The following CREB5 variants were observed in gnomAD, a reference collection of about 807,000 sequenced individuals.
The protein encoded by CREB5 is cAMP responsive element binding protein 5.
In CREB5, 19 loss-of-function variants were observed where a neutral mutation model predicts 57.1. The observed-to-expected ratio is 0.33, with a 90% CI of 0.23 to 0.49. CREB5 has a LOEUF of 0.49. CREB5 is among the 20% of genes least tolerant of loss of function. CREB5 has a pLI of 0.99. For synonymous variants in CREB5, 238 were observed against 238.3 expected (o/e 1.00, Z 0.01); for missense variants, 579 against 671.6 (o/e 0.86, Z 1.52).
At chr7:28,558,663 A>C (rs1197191129) in intron 4 of CREB5, among the ~76,000 whole-genome samples, 1 of 152,180 alleles carries the variant, frequency 6.6e-6, no homozygotes, top group African/African-American at 2.4e-5. Context: ...TGGCCAGGAG[A>C]GAACAGGAGC....
At chr7:28,773,704 TG>T in intron 7 of CREB5, among the ~76,000 whole-genome samples, 1 of 152,320 alleles carries the variant, frequency 6.6e-6, no homozygotes, top group Admixed American at 6.5e-5. Flanking sequence ...CTGCTTTCCC[TG>T]TTTGGAATGG....
intron 1 of CREB5, among the ~76,000 whole-genome samples, chr7:28,413,178 A>G (rs1367190489): frequency 6.6e-6 from 1 of 151,910 alleles, no homozygotes; most frequent in Admixed American, 6.6e-5. Flanking sequence ...TATGAACTAC[A>G]GTGGGGAAGC....
intron 7 of CREB5, among the ~76,000 whole-genome samples, chr7:28,783,653 A>C (rs571256065): frequency 6.6e-6 from 1 of 152,268 alleles, no homozygotes; most frequent in Non-Finnish European, 1.5e-5. Context: ...ATCTAGAGTC[A>C]CCAACAGCTG....
intron 1 of CREB5, among the ~76,000 whole-genome samples, chr7:28,345,186 C>T (rs1252485860): frequency 6.6e-6 from 1 of 151,910 alleles, no homozygotes; most frequent in African/African-American, 2.4e-5. Context: ...CAGAACTTTC[C>T]ATCAAAGTGC....
At chr7:28,378,086 T>C (rs562136686) in intron 1 of CREB5, among the ~76,000 whole-genome samples, 228 of 152,296 alleles carry the variant, frequency 1.5e-3, no homozygotes, top group African/African-American at 4.8e-3. Context: ...CATTCAAGGC[T>C]CCTTAACTTA....
intron 1 of CREB5, among the ~76,000 whole-genome samples, chr7:28,387,775 C>T (rs1787141607): frequency 6.6e-6 from 1 of 152,050 alleles, no homozygotes; most frequent in East Asian, 1.9e-4. Context: ...TAAACCTGCA[C>T]ATCCTGCACA....
intron 6 of CREB5, among the ~76,000 whole-genome samples, chr7:28,721,753 G>A (rs188892551): frequency 4.6e-5 from 7 of 152,340 alleles, no homozygotes; most frequent in African/African-American, 1.7e-4. Context: ...GAACAAGGCA[G>A]GCATTGCCTT....
At chr7:28,432,057 G>A (rs1341574546) in intron 1 of CREB5, among the ~76,000 whole-genome samples, 2 of 146,148 alleles carry the variant, frequency 1.4e-5, no homozygotes, top group African/African-American at 5.1e-5. Flanking sequence ...AGCTCTTGCT[G>A]AAAGAGATTC....
At chr7:28,635,345 T>C (rs988418961) in intron 5 of CREB5, among the ~76,000 whole-genome samples, 6 of 152,232 alleles carry the variant, frequency 3.9e-5, no homozygotes, top group African/African-American at 1.4e-4. Flanking sequence ...ATTCCACTCT[T>C]TAGCACTTCT....
intron 5 of CREB5, chr7:28,686,299 A>C: frequency 1.2e-6 from 1 of 806,488 alleles, no homozygotes. Flanking sequence ...CCTCCTCTTC[A>C]TTTTCTCCCC....
intron 5 of CREB5, among the ~76,000 whole-genome samples, chr7:28,637,995 A>G (rs1310968522): frequency 1.3e-5 from 2 of 152,124 alleles, no homozygotes; most frequent in East Asian, 3.9e-4. Flanking sequence ...GTGACTTAAT[A>G]TGCATCTTTG....
At chr7:28,488,443 A>T (rs1791666382) in intron 2 of CREB5, among the ~76,000 whole-genome samples, 197 bp downstream of exon 2, 1 of 152,184 alleles carries the variant, frequency 6.6e-6, no homozygotes, top group Admixed American at 6.5e-5. Context: ...GGTTTGAAAT[A>T]CTTCCCTCTT....
intron 5 of CREB5, among the ~76,000 whole-genome samples, chr7:28,665,931 T>C (rs1441184513): frequency 6.6e-6 from 1 of 152,050 alleles, no homozygotes. Context: ...CCGACACCCT[T>C]AAAAATATCC....
chr7:28,445,843 G>C (rs144365476), intron 1 of CREB5, among the ~76,000 whole-genome samples: 1 of 152,186 alleles, frequency 6.6e-6, no homozygotes, highest in Non-Finnish European at 1.5e-5. Context: ...GAGCCACTGC[G>C]CCCGGCCTAT....
intron 7 of CREB5, among the ~76,000 whole-genome samples, chr7:28,779,903 T>C (rs972417520): frequency 1.3e-5 from 2 of 152,126 alleles, no homozygotes; most frequent in African/African-American, 4.8e-5. Flanking sequence ...GCCACTTTGA[T>C]TGTTAAGCTG....
intron 4 of CREB5, among the ~76,000 whole-genome samples, chr7:28,518,342 T>G (rs1793064085): frequency 6.6e-6 from 1 of 152,166 alleles, no homozygotes; most frequent in African/African-American, 2.4e-5. Context: ...GTGTTTTGTG[T>G]GAATGTCAGG....
chr7:28,630,433 T>C (rs1208969882), intron 5 of CREB5, among the ~76,000 whole-genome samples: 1 of 152,208 alleles, frequency 6.6e-6, no homozygotes, highest in Non-Finnish European at 1.5e-5. Flanking sequence ...CTAGTCTGTT[T>C]GAAAATCTTA....
At position 28,736,827 on chromosome 7, in the gene CREB5, T is replaced by C. The variant is rs868205128; in HGVS notation, c.702+12495T>C. ...TACTTAGGCTCTCTCTCTCTCTCTT[T>C]TTTTTTTTTTTTTTAACAGTAGGCC... On this transcript the variant is annotated intron_variant, in intron 7 of 10. Transcript: ENST00000357727. 2.5e-3 allele frequency among the ~76,000 whole-genome samples: 365 copies of C among 148,082 alleles called. 1 individual carries two copies. The highest frequency in any genetic ancestry group is 8.4e-3 in the African/African-American group (341 of 40,510).
At chr7:28,636,069 C>CA (rs1798407360) in intron 5 of CREB5, among the ~76,000 whole-genome samples, 1 of 152,226 alleles carries the variant, frequency 6.6e-6, no homozygotes, top group African/African-American at 2.4e-5. Flanking sequence ...TCATCTCTTC[C>CA]AATTTCCTCT....
Sources: allele counts gnomAD v4.1 joint callset (sites outside exome capture counted in the v4.1 genomes callset), GRCh38; gene constraint gnomAD v4.1.1; transcripts MANE v1.5; gene names NCBI Gene and HGNC (gene_info 2026-07-23, HGNC 2026-07-21).